ZNF423: variants seen among roughly 807,000 people sequenced by gnomAD.
ZNF423 encodes zinc finger protein 423, also known as Ebf-associated zinc finger protein.
A neutral mutation model predicts 95.8 loss-of-function variants in ZNF423; 12 were observed. The ratio of observed to expected loss-of-function variants is 0.13; its 90% confidence interval spans 0.08 to 0.20. ZNF423 has a LOEUF of 0.20. ZNF423 is among the 10% of genes least tolerant of loss of function. The probability of loss-of-function intolerance (pLI) is 1.00; values close to 1 mark genes in which losing one functional copy is unlikely to be tolerated. For missense variants in ZNF423, 1,316 were observed against 1,737.1 expected, an observed-to-expected ratio of 0.76 and a Z score of 4.31; for synonymous variants, 749 against 711.9, an observed-to-expected ratio of 1.05 and a Z score of -0.83.
chr16:49,682,503 C>T (rs1377249370), intron 3 of ZNF423, among the ~76,000 whole-genome samples: 1 of 152,244 alleles, frequency 6.6e-6, no homozygotes, highest in Non-Finnish European at 1.5e-5. Flanking sequence ...ATTCCCTTCA[C>T]CTCCCTCTGC....
At chr16:49,491,474 G>T (rs1966959400) in intron 7 of ZNF423, among the ~76,000 whole-genome samples, 170 bp from the exon 8 acceptor site, 1 of 151,116 alleles carries the variant, frequency 6.6e-6, no homozygotes, top group Non-Finnish European at 1.5e-5. Flanking sequence ...AAGACGCCAC[G>T]TTGATTTGGG....
In ZNF423 at chr16:49,637,014, T is replaced by C. The variant is rs1803468404; in HGVS notation, c.2162A>G (p.Asp721Gly). 6.2e-7 allele frequency: 1 copy of C among 1,613,982 alleles called. No homozygotes were observed. The highest frequency in any genetic ancestry group is 2.2e-5 in the East Asian group (1 of 44,876). Residue 721 changes from aspartate (D) to glycine (G), a missense_variant, in exon 4 of 8, where the codon GAC becomes GGC. Asp to Gly is a moderately conservative substitution (Grantham distance 94). Around this residue, in one of 6 missense-constraint regions of ZNF423, gnomAD observed 620 missense variants for 775.6 expected, o/e 0.80. Transcript: ENST00000563137. This position sits in a 1 kb window ranked among gnomAD's most constrained non-coding sequence, Gnocchi z 5.6. Reference sequence around the variant, plus strand: ...GTGGTACAACACAAAGGTGTGCATGTCCAGCAGGTGCTTCTGCAGGTCATC... The same window carrying C: ...GTGGTACAACACAAAGGTGTGCATGCCCAGCAGGTGCTTCTGCAGGTCATC... ...SVDDLQKHLL[D>G]MHTFVLYHCT...
chr16:49,581,351 T>C (rs1353009862), intron 5 of ZNF423, among the ~76,000 whole-genome samples: 1 of 152,228 alleles, frequency 6.6e-6, no homozygotes, highest in Non-Finnish European at 1.5e-5. Context: ...CCATCGTCAG[T>C]AGGGATTATC....
rs116950432 is a variant in ZNF423 at position 49,760,801 on chromosome 16, G to A, written c.100+28686C>T. On this transcript the variant is annotated intron_variant, in intron 2 of 7. Coordinates refer to ENST00000563137, the MANE Select transcript of ZNF423 (RefSeq NM_001379286.1). ...CTCAGGACAGCACCCCTAGGCGGTG[G>A]TTGGGGTCCCCTCCACCCCACTGAC... Among the ~76,000 whole-genome samples the A allele has an allele frequency of 9.7e-3, 1,475 of 151,892 alleles. 10 individuals are homozygous for A. Among genetic ancestry groups the A allele is most frequent in the Middle Eastern group, 0.02 (6 of 294 alleles).
chr16:49,641,462 A>G (rs1159016693), intron 3 of ZNF423, among the ~76,000 whole-genome samples: 1 of 152,222 alleles, frequency 6.6e-6, no homozygotes, highest in Non-Finnish European at 1.5e-5. Flanking sequence ...AGAGAGACAC[A>G]GGAACTGGCT....
chr16:49,657,270 C>T lies in ZNF423; in HGVS notation c.302-18396G>A, dbSNP rs72780325. 7.8e-3 allele frequency among the ~76,000 whole-genome samples: 1,195 copies of T among 152,362 alleles called. 9 individuals carry two copies. Among genetic ancestry groups the T allele is most frequent in the Middle Eastern group, 0.017 (5 of 294 alleles). On this transcript the variant is annotated intron_variant, in intron 3 of 7. Transcript: ENST00000563137. ...TCCAGGACCTAGCCCCAGGGTCCCACCCCAAGTATCTGGAGGATGGAGAAA... is the reference window on the plus strand; with the variant it reads ...TCCAGGACCTAGCCCCAGGGTCCCATCCCAAGTATCTGGAGGATGGAGAAA...
intron 3 of ZNF423, among the ~76,000 whole-genome samples, chr16:49,656,403 C>T (rs190001792): frequency 1.8e-3 from 277 of 151,860 alleles, no homozygotes; most frequent in African/African-American, 6.0e-3. Flanking sequence ...CCCAATTACT[C>T]GGGAGGCTAA....
At chr16:49,653,018 G>T (rs1232080260) in intron 3 of ZNF423, among the ~76,000 whole-genome samples, 1 of 152,216 alleles carries the variant, frequency 6.6e-6, no homozygotes, top group Non-Finnish European at 1.5e-5. Flanking sequence ...TTCATGCAGT[G>T]ATGTTTTGTC....
At chr16:49,658,250 G>A (rs1047292648) in intron 3 of ZNF423, among the ~76,000 whole-genome samples, 4 of 152,158 alleles carry the variant, frequency 2.6e-5, no homozygotes, top group Non-Finnish European at 5.9e-5. Context: ...GGACGAGGGC[G>A]CACCTTCATA....
rs139002926 is a variant in ZNF423, at chr16:49,855,153, A to T, written c.40+582T>A. 0.45 allele frequency among the ~76,000 whole-genome samples: 64,197 copies of T among 141,526 alleles called. 14,124 individuals carry two copies. Among genetic ancestry groups the T allele is most frequent in the African/African-American group, 0.54 (21,809 of 40,410 alleles). 92.8% of individuals were successfully genotyped at this position (141,526 alleles called of 152,430 possible). A position where few individuals can be genotyped will look rare whatever the true frequency, so the allele number is the denominator to read the frequency against. On this transcript the variant is annotated intron_variant, in intron 1 of 7. Transcript: ENST00000563137. The surrounding 1 kb of genome is among the most constrained non-coding windows in gnomAD (Gnocchi z 4.7). ...CTGGGCAGGGGCGGGAGGGGGCGCC[A>T]GGCGGCCGGGGCGAGGGCGCGGCGC...
intron 4 of ZNF423, among the ~76,000 whole-genome samples, chr16:49,627,953 TACCCATCCATCCATCTACTCC>T (rs961804657): frequency 6.8e-6 from 1 of 147,824 alleles, no homozygotes; most frequent in Admixed American, 6.7e-5. Flanking sequence ...ATCCTCCATC[TACCCATCCATCCATCTACTCC>T]ACCCATCCAT....
chr16:49,745,631 C>G (rs2033506717), intron 2 of ZNF423, among the ~76,000 whole-genome samples: 1 of 152,230 alleles, frequency 6.6e-6, no homozygotes, highest in East Asian at 1.9e-4. Context: ...TCTTCCCGTT[C>G]GCAGCGTGGT....
intron 3 of ZNF423, among the ~76,000 whole-genome samples, chr16:49,661,662 C>T (rs763110063): frequency 4.6e-5 from 7 of 152,208 alleles, no homozygotes; most frequent in Non-Finnish European, 8.8e-5. Context: ...AGCGACTGCA[C>T]TGTTGAAATA....
chr16:49,640,363 C>G (rs1025484553), intron 3 of ZNF423, among the ~76,000 whole-genome samples: 2 of 152,130 alleles, frequency 1.3e-5, no homozygotes, highest in Non-Finnish European at 2.9e-5. Context: ...CTCACACTAT[C>G]ACTCACAAAC....
intron 2 of ZNF423, among the ~76,000 whole-genome samples, chr16:49,733,093 TAGAA>T (rs1456418328): frequency 6.6e-6 from 1 of 152,094 alleles, no homozygotes; most frequent in Non-Finnish European, 1.5e-5. Flanking sequence ...GGGTAAGAAA[TAGAA>T]AGCAAAGAAA....
chr16:49,607,219 A>G (rs1971568432), intron 5 of ZNF423, among the ~76,000 whole-genome samples: 2 of 152,214 alleles, frequency 1.3e-5, no homozygotes, highest in African/African-American at 4.8e-5. Flanking sequence ...CACTCAGGAT[A>G]GCATTTTTTG....
intron 3 of ZNF423, among the ~76,000 whole-genome samples, chr16:49,647,849 T>C (rs925006889): frequency 2.6e-5 from 4 of 152,198 alleles, no homozygotes; most frequent in South Asian, 2.1e-4. Flanking sequence ...ACAGCAGTAA[T>C]AGCAAACTAA....
intron 4 of ZNF423, among the ~76,000 whole-genome samples, chr16:49,634,120 A>G (rs533833162): frequency 6.7e-6 from 1 of 148,572 alleles, no homozygotes; most frequent in South Asian, 2.2e-4. Context: ...GTTGGCCAGG[A>G]TGGTCTCAAT....
At chr16:49,791,023 T>G (rs1163294693) in intron 1 of ZNF423, among the ~76,000 whole-genome samples, 1 of 151,992 alleles carries the variant, frequency 6.6e-6, no homozygotes, top group African/African-American at 2.4e-5. Flanking sequence ...CCCTTGACTA[T>G]GTAACCATGG....
Sources: gnomAD v4.1 joint callset for allele counts (sites outside exome capture counted in the v4.1 genomes callset) on GRCh38, gnomAD v4.1.1 for gene constraint, gnomAD v4.1.1 regional missense constraint, Gnocchi (gnomAD v3.1) non-coding constraint, MANE v1.5 for transcripts, NCBI Gene and HGNC (gene_info 2026-07-23, HGNC 2026-07-21) for gene names.